Variants in COL25A1 observed in about 807,000 individuals in gnomAD.
The protein encoded by COL25A1 is collagen type XXV alpha 1 chain.
COL25A1 carries 103 observed loss-of-function variants against 128.4 expected under a neutral mutation model. The observed-to-expected ratio is 0.80, with a 90% CI of 0.68 to 0.94. COL25A1 has a LOEUF of 0.94. Ranked by LOEUF, COL25A1 falls within the 40% of genes least tolerant of loss-of-function variation. The probability of loss-of-function intolerance (pLI) is 0.00; values close to 1 mark genes in which losing one functional copy is unlikely to be tolerated. For synonymous variants in COL25A1, 279 were observed against 277.2 expected, an observed-to-expected ratio of 1.01 and a Z score of -0.06; for missense variants, 745 against 840.0, an observed-to-expected ratio of 0.89 and a Z score of 1.40.
chr4:108,870,159 G>A (rs1021575792), intron 19 of COL25A1, among the ~76,000 whole-genome samples: 1 of 152,136 alleles, frequency 6.6e-6, no homozygotes, highest in Non-Finnish European at 1.5e-5. Flanking sequence ...AGGAGACTGA[G>A]GCGGGAGGAT....
At chr4:109,300,460 T>C in intron 3 of COL25A1, 123 bp downstream of exon 3, 1 of 653,158 alleles carries the variant, frequency 1.5e-6, no homozygotes. Flanking sequence ...GTTGATTTTA[T>C]TAAAGCAAGT....
At chr4:109,102,841 C>T (rs1299429593) in intron 3 of COL25A1, among the ~76,000 whole-genome samples, 1 of 152,054 alleles carries the variant, frequency 6.6e-6, no homozygotes, top group Non-Finnish European at 1.5e-5. Context: ...ACAGTCAGTT[C>T]CTGGCAGACA....
In COL25A1 at chr4:109,209,677, T is replaced by C. The variant is rs116701818; in HGVS notation, c.367+90906A>G. On this transcript the variant is annotated intron_variant, in intron 3 of 37. Transcript: ENST00000399132. Reference sequence around the variant, plus strand: ...ATACAGACTATTTCTACGTAATGTATATAACTCACAGAAAGGAGTATATAA... The same window carrying C: ...ATACAGACTATTTCTACGTAATGTACATAACTCACAGAAAGGAGTATATAA... Among the ~76,000 whole-genome samples the C allele has an allele frequency of 9.7e-3, 1,470 of 152,312 alleles. 25 individuals carry two copies. Among genetic ancestry groups the C allele is most frequent in the African/African-American group, 0.033 (1,375 of 41,580 alleles).
chr4:109,252,928 T>G (rs984212414), intron 3 of COL25A1, among the ~76,000 whole-genome samples: 1 of 152,186 alleles, frequency 6.6e-6, no homozygotes, highest in Non-Finnish European at 1.5e-5. Context: ...TAGCAAACTT[T>G]CTGTGAGGCC....
At chr4:109,079,707 G>T (rs1763670836) in intron 3 of COL25A1, among the ~76,000 whole-genome samples, 1 of 152,038 alleles carries the variant, frequency 6.6e-6, no homozygotes, top group African/African-American at 2.4e-5. Flanking sequence ...TCCATTTAGA[G>T]TAGTTTTCCA....
intron 19 of COL25A1, among the ~76,000 whole-genome samples, chr4:108,875,861 A>C (rs937606297): frequency 2.6e-5 from 4 of 152,170 alleles, no homozygotes; most frequent in African/African-American, 9.7e-5. Flanking sequence ...GCACATATAC[A>C]CCATGGAATA....
In COL25A1 at chr4:109,291,020, C is replaced by T. The variant is rs2189176; in HGVS notation, c.367+9563G>A. Among the ~76,000 whole-genome samples the T allele has an allele frequency of 7.9e-5, 12 of 152,020 alleles. No individual in the cohort carries two copies. The South Asian group carries it at 2.5e-3, about 31-fold the overall frequency. On this transcript the variant is annotated intron_variant, in intron 3 of 37. Coordinates refer to ENST00000399132, the MANE Select transcript of COL25A1 (RefSeq NM_198721.4). ...CTTCCAGTCTTCCTTGAAGTCCATA[C>T]TTTGAGACTGTGTATTAAAGAGAAA...
chr4:108,915,553 A>T (rs1288131161), intron 13 of COL25A1, among the ~76,000 whole-genome samples: 1 of 152,082 alleles, frequency 6.6e-6, no homozygotes, highest in Non-Finnish European at 1.5e-5. Context: ...ACATAAGAAA[A>T]TAATTTTTTA....
At chr4:109,048,604 G>T (rs1234045904) in intron 4 of COL25A1, among the ~76,000 whole-genome samples, 1 of 152,056 alleles carries the variant, frequency 6.6e-6, no homozygotes, top group Non-Finnish European at 1.5e-5. Context: ...TTTGTCCTTA[G>T]AATTTTTTAT....
At chr4:109,099,043 G>C (rs1765657033) in intron 3 of COL25A1, among the ~76,000 whole-genome samples, 1 of 152,044 alleles carries the variant, frequency 6.6e-6, no homozygotes, top group Non-Finnish European at 1.5e-5. Flanking sequence ...GGGCATGTAG[G>C]GCACACAGCA....
intron 10 of COL25A1, 114 bp from the exon 11 acceptor site, chr4:108,937,957 G>C: frequency 2.6e-6 from 2 of 759,474 alleles, no homozygotes; most frequent in Non-Finnish European, 4.3e-6. Context: ...ATTTCTTCAG[G>C]TTAAATAGAG....
intron 6 of COL25A1, among the ~76,000 whole-genome samples, chr4:108,984,224 A>C (rs931111349): frequency 6.6e-5 from 10 of 152,164 alleles, no homozygotes; most frequent in African/African-American, 2.4e-4. Flanking sequence ...GTGTTTACAA[A>C]CCTTGAGGTA....
intron 3 of COL25A1, among the ~76,000 whole-genome samples, chr4:109,122,198 C>T (rs1768164138): frequency 6.6e-6 from 1 of 152,036 alleles, no homozygotes; most frequent in Admixed American, 6.6e-5. Context: ...ACAGTGTTGG[C>T]TACCTGACAT....
At chr4:108,927,345 C>T (rs1000276681) in intron 11 of COL25A1, among the ~76,000 whole-genome samples, 1 of 152,034 alleles carries the variant, frequency 6.6e-6, no homozygotes, top group African/African-American at 2.4e-5. Context: ...ATCGTCAGCA[C>T]CTAGATTAGT....
chr4:108,983,373 T>C (rs1405537296), intron 6 of COL25A1, among the ~76,000 whole-genome samples: 1 of 152,196 alleles, frequency 6.6e-6, no homozygotes, highest in Admixed American at 6.5e-5. Flanking sequence ...TCAACACGAT[T>C]CAAATGTATT....
At chr4:109,286,441 C>T (rs1723898579) in intron 3 of COL25A1, among the ~76,000 whole-genome samples, 1 of 152,054 alleles carries the variant, frequency 6.6e-6, no homozygotes, top group Non-Finnish European at 1.5e-5. Context: ...GGATGCCTCC[C>T]GGTGAGAAGA....
intron 3 of COL25A1, among the ~76,000 whole-genome samples, chr4:109,128,489 T>C (rs1201314406): frequency 2.0e-5 from 3 of 152,228 alleles, no homozygotes; most frequent in Non-Finnish European, 2.9e-5. Context: ...CAAACCAATG[T>C]AGCCTCCATG....
intron 24 of COL25A1, among the ~76,000 whole-genome samples, chr4:108,854,922 C>T (rs1344395949): frequency 1.3e-5 from 2 of 152,056 alleles, no homozygotes; most frequent in Non-Finnish European, 2.9e-5. Context: ...ACAAAATATA[C>T]CGTGTCTAAG....
intron 37 of COL25A1, among the ~76,000 whole-genome samples, chr4:108,814,477 T>TAA (rs1265873054): frequency 6.6e-6 from 1 of 152,198 alleles, no homozygotes; most frequent in African/African-American, 2.4e-5. Flanking sequence ...ACCTGCCTGC[T>TAA]GTCAGGCCTT....
Sources: gnomAD v4.1 joint callset for allele counts (sites outside exome capture counted in the v4.1 genomes callset) on GRCh38, gnomAD v4.1.1 for gene constraint, MANE v1.5 for transcripts, NCBI Gene and HGNC (gene_info 2026-07-23, HGNC 2026-07-21) for gene names.